JMJD1C: variants seen among roughly 807,000 people sequenced by gnomAD.
JMJD1C encodes jumonji domain-containing protein 1C.
A neutral mutation model predicts 245.3 loss-of-function variants in JMJD1C; 31 were observed. The observed-to-expected ratio is 0.13, with a 90% confidence interval of 0.09 to 0.17. JMJD1C has a LOEUF of 0.17. Ranked by LOEUF, JMJD1C falls within the 10% of genes least tolerant of loss-of-function variation. The pLI is 1.00. For missense variants in JMJD1C, 2,691 were observed against 3,000.2 expected, an observed-to-expected ratio of 0.90 and a Z score of 2.41; for synonymous variants, 1,057 against 1,017.4, an observed-to-expected ratio of 1.04 and a Z score of -0.74.
At chr10:63,250,177 G>A (rs1852861599) in intron 3 of JMJD1C, among the ~76,000 whole-genome samples, 1 of 151,908 alleles carries the variant, frequency 6.6e-6, no homozygotes, top group African/African-American at 2.4e-5. Flanking sequence ...AATTAGCCAT[G>A]CCTGGCTGAT....
In JMJD1C at chr10:63,168,065, C is replaced by G; in HGVS notation, c.7603G>C (p.Glu2535Gln). 3 of 1,595,174 alleles carry G rather than the reference C, an allele frequency of 1.9e-6. No individual in the cohort carries two copies. Among genetic ancestry groups the G allele is most frequent in the Non-Finnish European group, 2.6e-6 (3 of 1,163,444 alleles). Residue 2535 changes from glutamate (E) to glutamine (Q), a missense_variant, in exon 26 of 26, where the codon GAG (glutamate) becomes CAG (glutamine). Transcript: ENST00000399262. ...CACACTTAATTTTCTTCCATATCCT[C>G]TACTTCATCCTCGTGTATCTTCAAG... is the stretch of plus-strand genomic sequence containing the variant. ...RALKIHEDEV[E>Q]DMEEN
At chr10:63,169,035 T>C (rs944827850) in intron 24 of JMJD1C, among the ~76,000 whole-genome samples, 1 of 152,212 alleles carries the variant, frequency 6.6e-6, no homozygotes, top group Non-Finnish European at 1.5e-5. Flanking sequence ...TGTTAGGAAC[T>C]GGGATGGAAA....
Position 63,207,085 on chromosome 10 carries a change from G to T in JMJD1C, c.4584C>A (p.Asn1528Lys). ...GCCCATTTCCTACAGAGTTTGCTTT[G>T]TTAATTGTACTACAGATTACAGTGC... ...LDSTVICSTI[N>K]KANSVGNGQA... The change falls in exon 10 of 26, where the codon AAC (asparagine) becomes AAA (lysine). Residue 1528 changes from asparagine (N) to lysine (K), a missense_variant. Coordinates refer to ENST00000399262, the MANE Select transcript of JMJD1C (RefSeq NM_032776.3). The T allele has an allele frequency of 6.2e-7, 1 of 1,614,182 alleles. No individual in the cohort carries two copies. Among genetic ancestry groups the T allele is most frequent in the South Asian group, 1.1e-5 (1 of 91,078 alleles).
At position 63,204,554 on chromosome 10, in the gene JMJD1C, A is replaced by G. The variant is rs988866117; in HGVS notation, c.5074+2041T>C. On this transcript the variant is annotated intron_variant, in intron 10 of 25. Coordinates refer to ENST00000399262, the MANE Select transcript of JMJD1C (RefSeq NM_032776.3). ...CACCCAACACCAAAGGAAATGTCAT[A>G]TAAGACAGAAGAGAAACAATTAAAT... is the stretch of plus-strand genomic sequence containing the variant. 36 of 985,320 alleles carry G rather than the reference A, an allele frequency of 3.7e-5. No homozygotes were observed. In the African/African-American group the frequency reaches 5.4e-4, roughly 15 times the overall value. The allele number at this position is 985,320 out of a possible 1,614,324, so 61.0% of individuals were successfully genotyped here. A position where few individuals can be genotyped will look rare whatever the true frequency, so the allele number is the denominator to read the frequency against.
intron 1 of JMJD1C, among the ~76,000 whole-genome samples, chr10:63,388,152 T>C (rs1476928539): frequency 2.6e-5 from 4 of 152,118 alleles, no homozygotes; most frequent in African/African-American, 7.2e-5. Context: ...CCCAAAGGTA[T>C]ATAACTCAAA....
intron 1 of JMJD1C, among the ~76,000 whole-genome samples, chr10:63,406,730 G>A (rs1427248368): frequency 6.6e-6 from 1 of 152,036 alleles, no homozygotes; most frequent in Non-Finnish European, 1.5e-5. Context: ...AGCAGGTACT[G>A]ATAGCTGGAA....
At chr10:63,289,000 C>A (rs1002702591) in intron 2 of JMJD1C, among the ~76,000 whole-genome samples, 1 of 150,900 alleles carries the variant, frequency 6.6e-6, no homozygotes, top group South Asian at 2.1e-4. Flanking sequence ...ACTTTCTTTA[C>A]GTTTGCTTTC....
At chr10:63,177,625 T>C (rs1408633130) in intron 23 of JMJD1C, 92 bp downstream of exon 23, 1 of 1,320,980 alleles carries the variant, frequency 7.6e-7, no homozygotes, top group Non-Finnish European at 1.1e-6. Context: ...TATGTAATGG[T>C]CTTATATTGT....
chr10:63,309,728 C>G (rs888960087), intron 2 of JMJD1C, among the ~76,000 whole-genome samples: 2 of 152,028 alleles, frequency 1.3e-5, no homozygotes, highest in Non-Finnish European at 1.5e-5. Flanking sequence ...ACCAGCCTGA[C>G]CAACATGGTG....
At chr10:63,333,319 C>T (rs907907333) in intron 2 of JMJD1C, among the ~76,000 whole-genome samples, 2 of 152,064 alleles carry the variant, frequency 1.3e-5, no homozygotes, top group African/African-American at 2.4e-5. Flanking sequence ...CTTAGGGAGG[C>T]CAAGGCAAGA....
Position 63,287,786 on chromosome 10 carries a change from T to C in JMJD1C, c.334-23022A>G, listed in dbSNP as rs895706063. On this transcript the variant is annotated intron_variant, in intron 2 of 25. Coordinates refer to ENST00000399262, the MANE Select transcript of JMJD1C (RefSeq NM_032776.3). Reference sequence around the variant, plus strand: ...TTTTTTGAGACAGAGTCTCGCTCTGTTGCGCAAGCTGGAGTGCAATGGTAC... The same window carrying C: ...TTTTTTGAGACAGAGTCTCGCTCTGCTGCGCAAGCTGGAGTGCAATGGTAC... Among the ~76,000 whole-genome samples, 4 of 152,104 alleles carry C rather than the reference T, an allele frequency of 2.6e-5. No individual in the cohort carries two copies. In the South Asian group the frequency reaches 6.2e-4, roughly 24 times the overall value.
intron 1 of JMJD1C, among the ~76,000 whole-genome samples, chr10:63,517,327 C>G (rs1037102004): frequency 2.0e-5 from 3 of 152,132 alleles, no homozygotes; most frequent in Admixed American, 6.5e-5. Context: ...CCTAGGAAAA[C>G]TAATATTTAA....
chr10:63,242,840 C>T (rs933765353), intron 3 of JMJD1C, among the ~76,000 whole-genome samples: 55 of 151,852 alleles, frequency 3.6e-4, no homozygotes, highest in Middle Eastern at 3.4e-3. Flanking sequence ...ATATATTCTC[C>T]TTATTAAAAA....
At chr10:63,234,512 A>AAAC (rs1850454869) in intron 3 of JMJD1C, among the ~76,000 whole-genome samples, 4 of 149,868 alleles carry the variant, frequency 2.7e-5, no homozygotes, top group African/African-American at 7.4e-5. Flanking sequence ...AAAAAAAAAA[A>AAAC]AAAAAAAAAC....
intron 1 of JMJD1C, among the ~76,000 whole-genome samples, chr10:63,488,818 G>A (rs530735389): frequency 1.3e-5 from 2 of 152,278 alleles, no homozygotes; most frequent in South Asian, 2.1e-4. Context: ...GAGCTTGAGG[G>A]TGCTGGTAAT....
intron 11 of JMJD1C, among the ~76,000 whole-genome samples, chr10:63,199,643 A>C (rs1263312245): frequency 1.3e-5 from 2 of 151,526 alleles, no homozygotes; most frequent in African/African-American, 4.9e-5. Flanking sequence ...TCCTTTTTTC[A>C]TCTCTTCTGC....
chr10:63,182,583 T>C (rs1843621429), intron 22 of JMJD1C, among the ~76,000 whole-genome samples: 1 of 152,222 alleles, frequency 6.6e-6, no homozygotes, highest in Non-Finnish European at 1.5e-5. Flanking sequence ...ACTCTGCTTC[T>C]ATTGTACAGA....
At chr10:63,184,830 GACT>G in intron 20 of JMJD1C, 92 bp from the exon 21 acceptor site, 2 of 1,199,176 alleles carry the variant, frequency 1.7e-6, no homozygotes, top group Non-Finnish European at 1.2e-6. Context: ...CAAAACAGCA[GACT>G]ACCTTTCCAT....
intron 3 of JMJD1C, among the ~76,000 whole-genome samples, chr10:63,234,797 TAAC>T (rs1159387538): frequency 6.6e-6 from 1 of 151,640 alleles, no homozygotes; most frequent in African/African-American, 2.4e-5. Flanking sequence ...AAATAAAAAA[TAAC>T]AATGCTATTC....
Sources: gnomAD v4.1 joint callset for allele counts (sites outside exome capture counted in the v4.1 genomes callset) on GRCh38, gnomAD v4.1.1 for gene constraint, MANE v1.5 for transcripts, NCBI Gene and HGNC (gene_info 2026-07-23, HGNC 2026-07-21) for gene names.